HNRNPK: variants seen among roughly 807,000 people sequenced by gnomAD.
HNRNPK encodes the protein dC-stretch binding protein.
Under a neutral mutation model 67.0 loss-of-function variants are expected in HNRNPK, and 7 were observed. The observed-to-expected ratio is 0.10, with a 90% confidence interval of 0.06 to 0.20. The LOEUF is 0.20. HNRNPK is among the 10% of genes least tolerant of loss of function. The pLI, the probability that HNRNPK is intolerant of heterozygous loss-of-function variation, is 1.00. For missense variants in HNRNPK, 264 were observed against 606.5 expected (o/e 0.44, Z 5.93); for synonymous variants, 213 against 193.7 (o/e 1.10, Z -0.83).
At position 83,973,270 on chromosome 9, in the gene HNRNPK, ATTTT is replaced by A. The variant is rs112088787; in HGVS notation, c.516+12_516+15del. The A allele has an allele frequency of 8.1e-7, 1 of 1,233,146 alleles. No individual in the cohort carries two copies. Among genetic ancestry groups the A allele is most frequent in the Non-Finnish European group, 1.2e-6 (1 of 856,694 alleles). The allele number at this position is 1,233,146 out of a possible 1,614,324, so 76.4% of individuals were successfully genotyped here. A position where few individuals can be genotyped will look rare whatever the true frequency, so the allele number is the denominator to read the frequency against. ...ACTTTCCAGCAAAGAATACGGCAGA[ATTTT>A]TTTTTTTTTACCTCTCGAAGTTCTT... On this transcript the variant is annotated intron_variant, in intron 9 of 16. Transcript: ENST00000376263.
In HNRNPK at chr9:83,969,316, A is replaced by T. The variant is rs1956717790; in HGVS notation, c.*91T>A. 1.2e-6 allele frequency: 1 copy of T among 818,280 alleles called. No individual in the cohort carries two copies. The allele number at this position is 818,280 out of a possible 1,614,324, so 50.7% of individuals were successfully genotyped here. On this transcript the variant is annotated 3_prime_UTR_variant, in exon 17 of 17. Transcript: ENST00000376263. ...TTTAAACAGAAGCAGATAAAAAAAA[A>T]AAGATGCAGGACTCCTTCAGTTCTT...
rs1248983407 is a variant in HNRNPK, at chr9:83,968,444, G to C, written c.*963C>G. ...AGCAAATTGACAGTTTAAGTCTATAGGTGAGAAATTATCTAATAAAAATAA... is the reference window on the plus strand; with the variant it reads ...AGCAAATTGACAGTTTAAGTCTATACGTGAGAAATTATCTAATAAAAATAA... On this transcript the variant is annotated 3_prime_UTR_variant, in exon 17 of 17. Transcript: ENST00000376263. 2 of 152,398 alleles carry C rather than the reference G, an allele frequency of 1.3e-5. No homozygotes were observed. Among genetic ancestry groups the C allele is most frequent in the Admixed American group, 6.5e-5 (1 of 15,270 alleles). The allele number at this position is 152,398 out of a possible 1,614,324, so 9.4% of individuals were successfully genotyped here. A position where few individuals can be genotyped will look rare whatever the true frequency, so the allele number is the denominator to read the frequency against.
chr9:83,973,664 A>G (rs1357372145), intron 8 of HNRNPK, among the ~76,000 whole-genome samples: 1 of 152,180 alleles, frequency 6.6e-6, no homozygotes, highest in Non-Finnish European at 1.5e-5. Flanking sequence ...GTTACCACAA[A>G]ATTATTATTA....
rs1004752789 is a variant in HNRNPK at position 83,980,175 on chromosome 9, G to C, written c.-130C>G. 6.6e-6 allele frequency: 1 copy of C among 152,364 alleles called. No homozygotes were observed. Among genetic ancestry groups the C allele is most frequent in the Non-Finnish European group, 1.5e-5 (1 of 68,180 alleles). 9.4% of individuals were successfully genotyped at this position (152,364 alleles called of 1,614,324 possible). ...CACCGCGCGAGACTGCCGTCCCTCCGCTGCCGCGCCGCCTCAGCCGGTCGG... is the reference window on the plus strand; with the variant it reads ...CACCGCGCGAGACTGCCGTCCCTCCCCTGCCGCGCCGCCTCAGCCGGTCGG... On this transcript the variant is annotated 5_prime_UTR_variant, in exon 1 of 17. Coordinates refer to ENST00000376263, the MANE Select transcript of HNRNPK (RefSeq NM_031263.4).
chr9:83,969,523 A>T (rs1956725838), intron 16 of HNRNPK, 83 bp from the exon 17 acceptor site: 6 of 844,466 alleles, frequency 7.1e-6, no homozygotes, highest in African/African-American at 1.7e-5. Flanking sequence ...TTCAATGCTA[A>T]ATTAAAATGA....
chr9:83,970,981 T>C, intron 13 of HNRNPK, 69 bp from the exon 14 acceptor site: 2 of 1,478,294 alleles, frequency 1.4e-6, no homozygotes, highest in South Asian at 1.1e-5. Context: ...TTTAAAAAAA[T>C]TCATTTAATA....
chr9:83,971,757 C>G, intron 11 of HNRNPK, 31 bp from the exon 12 acceptor site: 1 of 1,605,428 alleles, frequency 6.2e-7, no homozygotes, highest in East Asian at 2.2e-5. Flanking sequence ...GTAATCTAAA[C>G]GTGCTTACAT....
rs753210017 is a variant in HNRNPK, at chr9:83,971,953, GGGA to G, written c.879_881del (p.Pro294del). On this transcript the variant is annotated inframe_deletion, in exon 11 of 17. Transcript: ENST00000376263. ...TGCTACCACCCCGGCCGCCTCGTCC[GGGA>G]GGAGGGGGAGGTGGTCCTCGACGAG... The G allele has an allele frequency of 3.0e-5, 48 of 1,601,230 alleles. No homozygotes were observed. Among genetic ancestry groups the G allele is most frequent in the African/African-American group, 1.1e-4 (8 of 74,598 alleles).
At chr9:83,971,806 T>TA in intron 11 of HNRNPK, 76 bp downstream of exon 11, 8 of 1,591,852 alleles carry the variant, frequency 5.0e-6, no homozygotes, top group Non-Finnish European at 6.9e-6. Context: ...TGTCTACCAC[T>TA]AAGTGCAGCC....
intron 16 of HNRNPK, chr9:83,969,697 G>A: frequency 9.8e-6 from 6 of 610,226 alleles, no homozygotes; most frequent in Non-Finnish European, 1.8e-5. Context: ...AAAAGACAAA[G>A]AATGCTAGTA....
At chr9:83,977,141 AACCTGTT>A in intron 4 of HNRNPK, 90 bp from the exon 5 acceptor site, 1 of 901,200 alleles carries the variant, frequency 1.1e-6, no homozygotes, top group East Asian at 2.5e-5. Context: ...AAAATCCTCT[AACCTGTT>A]TGTTATAAGA....
chr9:83,971,407 A>G (rs1427682867), intron 12 of HNRNPK, 51 bp from the exon 13 acceptor site: 7 of 1,289,832 alleles, frequency 5.4e-6, no homozygotes, highest in Non-Finnish European at 7.9e-6. Context: ...TTTGTTATAG[A>G]GCTGTTTTTA....
At position 83,969,187 on chromosome 9, in the gene HNRNPK, C is replaced by T. The variant is rs544139763; in HGVS notation, c.*220G>A. 29 of 565,222 alleles carry T rather than the reference C, an allele frequency of 5.1e-5. No individual in the cohort carries two copies. The highest frequency in any genetic ancestry group is 7.3e-5 in the Non-Finnish European group (23 of 313,202). 35.0% of individuals were successfully genotyped at this position (565,222 alleles called of 1,614,324 possible). A position where few individuals can be genotyped will look rare whatever the true frequency, so the allele number is the denominator to read the frequency against. On this transcript the variant is annotated 3_prime_UTR_variant, in exon 17 of 17. Coordinates refer to ENST00000376263, the MANE Select transcript of HNRNPK (RefSeq NM_031263.4). ...TTAGTTTTTGCACGCCCTTCCCCCC[C>T]CCAACCCTGTTTGTAAGGAACTAAA... is the stretch of plus-strand genomic sequence containing the variant.
chr9:83,972,891 C>T lies in HNRNPK; in HGVS notation c.598G>A (p.Asp200Asn). ...DRVVLIGGKP[D>N]RVVECIKIIL... is the part of the protein sequence containing the mutation. ...ATCTTTATGCACTCTACAACCCTAT[C>T]GGGTTTTCCTCCAATAAGAACAACT... The change falls in exon 10 of 17, where the codon GAT becomes AAT. Residue 200 changes from aspartate (D) to asparagine (N), a missense_variant. Around this residue, in one of 6 missense-constraint regions of HNRNPK, gnomAD observed 18 missense variants for 84.5 expected, o/e 0.21. Transcript: ENST00000376263. 1 of 1,607,432 alleles carries T rather than the reference C, an allele frequency of 6.2e-7. No individual in the cohort carries two copies. The highest frequency in any genetic ancestry group is 8.5e-7 in the Non-Finnish European group (1 of 1,175,410).
intron 8 of HNRNPK, among the ~76,000 whole-genome samples, chr9:83,973,628 A>G (rs1225447659): frequency 2.0e-5 from 3 of 152,196 alleles, no homozygotes; most frequent in Non-Finnish European, 4.4e-5. Flanking sequence ...CACCATACCC[A>G]CACTGCAGCC....
upstream of HNRNPK, chr9:83,980,369 A>C (rs1454435183): frequency 6.6e-6 from 1 of 152,520 alleles, no homozygotes; most frequent in African/African-American, 2.4e-5. Flanking sequence ...GCCTCCCGCC[A>C]GCGCCTCCCT....
Position 83,971,367 on chromosome 9 carries a change from T to G in HNRNPK, c.1009-11A>C, listed in dbSNP as rs760508706. 5 of 1,557,650 alleles carry G rather than the reference T, an allele frequency of 3.2e-6. No individual in the cohort carries two copies. The highest frequency in any genetic ancestry group is 1.1e-5 in the South Asian group (1 of 89,834). ...AGCACTGAAACCAACCTGTTAGAGA[T>G]AAAAACATTAACATGAACCCGCATT... On this transcript the variant is annotated splice_polypyrimidine_tract_variant and intron_variant, in intron 12 of 16. Transcript: ENST00000376263.
rs1414797244 is a variant in HNRNPK, at chr9:83,968,983, G to A, written c.*424C>T. The A allele has an allele frequency of 3.7e-6, 1 of 268,318 alleles. No homozygotes were observed. The highest frequency in any genetic ancestry group is 7.1e-6 in the Non-Finnish European group (1 of 140,890). 16.6% of individuals were successfully genotyped at this position (268,318 alleles called of 1,614,324 possible). A position where few individuals can be genotyped will look rare whatever the true frequency, so the allele number is the denominator to read the frequency against. On this transcript the variant is annotated 3_prime_UTR_variant, in exon 17 of 17. Transcript: ENST00000376263. ...AGCATTACATTCTGCACACTGCTCT[G>A]AACAGATGCCAGGGACATGTGGACT...
intron 11 of HNRNPK, 25 bp from the exon 12 acceptor site, chr9:83,971,751 T>A (rs1345961705): frequency 6.2e-7 from 1 of 1,609,914 alleles, no homozygotes; most frequent in East Asian, 2.2e-5. Flanking sequence ...CTTGTTGTAA[T>A]CTAAACGTGC....
Sources: gnomAD v4.1 joint callset for allele counts (sites outside exome capture counted in the v4.1 genomes callset) on GRCh38, gnomAD v4.1.1 for gene constraint, gnomAD v4.1.1 regional missense constraint, MANE v1.5 for transcripts, NCBI Gene and HGNC (gene_info 2026-07-23, HGNC 2026-07-21) for gene names.